The following TMEM117 variants were observed in gnomAD, a reference collection of about 807,000 sequenced individuals.
The protein encoded by TMEM117 is transmembrane protein 117.
In TMEM117, 27 loss-of-function variants were observed where a neutral mutation model predicts 52.4. That is an observed-to-expected ratio of 0.51 (90% CI 0.38 to 0.71). The LOEUF (loss-of-function observed/expected upper bound fraction) is 0.71, where lower values mean the gene tolerates loss of function less well. Among genes scored for constraint, TMEM117 ranks in the 30% least tolerant of loss-of-function variants. TMEM117 has a pLI of 0.00. For missense variants in TMEM117, 556 were observed against 630.5 expected, an observed-to-expected ratio of 0.88 and a Z score of 1.26; for synonymous variants, 215 against 206.3, an observed-to-expected ratio of 1.04 and a Z score of -0.36.
chr12:44,340,605 A>G (rs1164209439), intron 6 of TMEM117, among the ~76,000 whole-genome samples: 1 of 152,046 alleles, frequency 6.6e-6, no homozygotes, highest in Non-Finnish European at 1.5e-5. Context: ...TCCCATGCCA[A>G]ACCATCTAAC....
intron 3 of TMEM117, among the ~76,000 whole-genome samples, chr12:44,025,093 G>A (rs1045107486): frequency 1.3e-5 from 2 of 152,116 alleles, no homozygotes; most frequent in Admixed American, 1.3e-4. Flanking sequence ...ACTTTGCTAG[G>A]CTTTAGTCTG....
intron 3 of TMEM117, among the ~76,000 whole-genome samples, chr12:43,969,774 T>C (rs1450625027): frequency 6.6e-6 from 1 of 152,100 alleles, no homozygotes; most frequent in Non-Finnish European, 1.5e-5. Flanking sequence ...CAGTGGATGC[T>C]TCCCAGTCAT....
At chr12:44,238,704 G>A (rs575484687) in intron 5 of TMEM117, among the ~76,000 whole-genome samples, 3 of 152,162 alleles carry the variant, frequency 2.0e-5, no homozygotes, top group South Asian at 2.1e-4. Context: ...CCTTCTTAAC[G>A]GGAATTCTTA....
intron 3 of TMEM117, among the ~76,000 whole-genome samples, chr12:43,971,502 G>A (rs1317208504): frequency 6.6e-6 from 1 of 152,092 alleles, no homozygotes; most frequent in African/African-American, 2.4e-5. Flanking sequence ...CAAACCTCTA[G>A]GTCTTGATAT....
intron 2 of TMEM117, among the ~76,000 whole-genome samples, chr12:43,908,007 T>C (rs1432042816): frequency 4.7e-5 from 3 of 64,236 alleles, no homozygotes; most frequent in African/African-American, 9.1e-5. Context: ...GCCACAAAGA[T>C]ACTTCTTCAA....
chr12:44,217,395 C>T (rs941759410), intron 5 of TMEM117, among the ~76,000 whole-genome samples: 2 of 152,186 alleles, frequency 1.3e-5, no homozygotes, highest in Admixed American at 6.5e-5. Flanking sequence ...AGGCTGCTAC[C>T]ATTGCCCAGA....
At chr12:44,067,690 G>T (rs1162105389) in intron 3 of TMEM117, among the ~76,000 whole-genome samples, 3 of 152,144 alleles carry the variant, frequency 2.0e-5, no homozygotes, top group African/African-American at 7.2e-5. Flanking sequence ...AGGCTTTGTT[G>T]TTTCATTTAT....
At chr12:44,012,260 G>A (rs754838265) in intron 3 of TMEM117, among the ~76,000 whole-genome samples, 1 of 151,600 alleles carries the variant, frequency 6.6e-6, no homozygotes, top group African/African-American at 2.4e-5. Context: ...AATACAATTT[G>A]CCCAGGTGTT....
At chr12:44,134,167 G>A (rs566769426) in intron 3 of TMEM117, among the ~76,000 whole-genome samples, 4 of 152,226 alleles carry the variant, frequency 2.6e-5, no homozygotes, top group African/African-American at 4.8e-5. Flanking sequence ...CACACTCACC[G>A]TTTGTCCCAC....
chr12:44,192,744 C>A (rs1949371050), intron 4 of TMEM117, among the ~76,000 whole-genome samples: 1 of 152,136 alleles, frequency 6.6e-6, no homozygotes, highest in South Asian at 2.1e-4. Context: ...TGGGATCAGG[C>A]ATGATTGTAT....
At chr12:44,193,760 A>G (rs1382633965) in intron 4 of TMEM117, among the ~76,000 whole-genome samples, 1 of 152,184 alleles carries the variant, frequency 6.6e-6, no homozygotes, top group Admixed American at 6.6e-5. Flanking sequence ...TAGGCTTAAA[A>G]AACTCCACAT....
At chr12:43,980,398 C>A (rs190677920) in intron 3 of TMEM117, among the ~76,000 whole-genome samples, 5 of 140,388 alleles carry the variant, frequency 3.6e-5, no homozygotes, top group African/African-American at 9.3e-5. Flanking sequence ...TCTAGCGTAC[C>A]TTCTTCTAGG....
intron 5 of TMEM117, among the ~76,000 whole-genome samples, chr12:44,286,831 T>C (rs1950644938): frequency 6.6e-6 from 1 of 152,168 alleles, no homozygotes; most frequent in Non-Finnish European, 1.5e-5. Flanking sequence ...TGATATTATA[T>C]TTTTGAGAAT....
chr12:43,886,965 A>G (rs1285898756), intron 2 of TMEM117, among the ~76,000 whole-genome samples: 1 of 152,128 alleles, frequency 6.6e-6, no homozygotes, highest in Non-Finnish European at 1.5e-5. Flanking sequence ...CTCATGCCTC[A>G]GCCTCTGGAG....
chr12:43,838,754 A>G (rs899279680), intron 1 of TMEM117, among the ~76,000 whole-genome samples: 3 of 151,572 alleles, frequency 2.0e-5, no homozygotes, highest in Non-Finnish European at 4.4e-5. Context: ...TTGGGGTTAT[A>G]TAGAGGTAGT....
intron 5 of TMEM117, among the ~76,000 whole-genome samples, chr12:44,257,275 T>A (rs1950270343): frequency 6.6e-6 from 1 of 151,922 alleles, no homozygotes; most frequent in South Asian, 2.1e-4. Context: ...GCCGTAGGCA[T>A]CTGCACTCCT....
At chr12:44,103,182 A>G (rs1947892967) in intron 3 of TMEM117, among the ~76,000 whole-genome samples, 1 of 150,340 alleles carries the variant, frequency 6.7e-6, no homozygotes, top group Non-Finnish European at 1.5e-5. Context: ...ACATTACTTT[A>G]TAAGGTCTTC....
At chr12:44,270,848 G>A (rs924341705) in intron 5 of TMEM117, among the ~76,000 whole-genome samples, 1 of 151,966 alleles carries the variant, frequency 6.6e-6, no homozygotes, top group Non-Finnish European at 1.5e-5. Context: ...TTTCTCGGAT[G>A]CTTTTTCTGC....
At chr12:44,345,712 G>A (rs931322759) in intron 6 of TMEM117, among the ~76,000 whole-genome samples, 2 of 152,062 alleles carry the variant, frequency 1.3e-5, no homozygotes, top group African/African-American at 4.8e-5. Context: ...CATTTACATA[G>A]TCAACGTATC....
Sources: allele counts gnomAD v4.1 joint callset (sites outside exome capture counted in the v4.1 genomes callset), GRCh38; gene constraint gnomAD v4.1.1; transcripts MANE v1.5; gene names NCBI Gene and HGNC (gene_info 2026-07-23, HGNC 2026-07-21).